ACOXL: variants seen among roughly 807,000 people sequenced by gnomAD.
ACOXL encodes acyl-coenzyme A oxidase-like protein.
ACOXL carries 70 observed loss-of-function variants against 71.9 expected under a neutral mutation model. The ratio of observed to expected loss-of-function variants is 0.97; its 90% CI spans 0.80 to 1.19. The LOEUF (loss-of-function observed/expected upper bound fraction) is 1.19, where lower values mean the gene tolerates loss of function less well. Ranked by LOEUF, ACOXL falls within the 50% of genes most tolerant of loss-of-function variation. The pLI, the probability that ACOXL is intolerant of heterozygous loss-of-function variation, is 0.00. For missense variants in ACOXL, 703 were observed against 736.3 expected (o/e 0.95, Z 0.52); for synonymous variants, 253 against 281.6 (o/e 0.90, Z 1.02).
chr2:110,912,882 A>G (rs998755751), intron 11 of ACOXL, among the ~76,000 whole-genome samples: 1 of 152,210 alleles, frequency 6.6e-6, no homozygotes, highest in African/African-American at 2.4e-5. Flanking sequence ...ACTTGTATCT[A>G]GAACATACAT....
intron 9 of ACOXL, among the ~76,000 whole-genome samples, chr2:110,837,931 G>C (rs975091689): frequency 6.6e-6 from 1 of 152,178 alleles, no homozygotes; most frequent in African/African-American, 2.4e-5. Flanking sequence ...GCCTGGCTGG[G>C]CCAGGGTCAG....
chr2:110,956,412 C>A (rs996312854), intron 12 of ACOXL, among the ~76,000 whole-genome samples: 9 of 152,166 alleles, frequency 5.9e-5, no homozygotes, highest in African/African-American at 2.2e-4. Flanking sequence ...GAGTGCAGGG[C>A]AGCAGCGATA....
At chr2:110,903,304 C>T (rs554679663) in intron 10 of ACOXL, among the ~76,000 whole-genome samples, 2 of 152,330 alleles carry the variant, frequency 1.3e-5, no homozygotes, top group African/African-American at 4.8e-5. Context: ...ATGTCACATC[C>T]GACGAATATT....
intron 11 of ACOXL, among the ~76,000 whole-genome samples, chr2:110,911,082 A>G (rs2059634862): frequency 6.6e-6 from 1 of 152,178 alleles, no homozygotes; most frequent in African/African-American, 2.4e-5. Context: ...AAGGAATATA[A>G]GAGAATACTA....
chr2:111,060,019 C>A (rs1160720531), intron 16 of ACOXL, among the ~76,000 whole-genome samples: 1 of 152,120 alleles, frequency 6.6e-6, no homozygotes, highest in African/African-American at 2.4e-5. Context: ...CCACCTTCAC[C>A]CATGCCAGGA....
At chr2:110,852,312 A>G (rs566918130) in intron 10 of ACOXL, among the ~76,000 whole-genome samples, 5 of 152,144 alleles carry the variant, frequency 3.3e-5, no homozygotes, top group Admixed American at 2.0e-4. Flanking sequence ...ATTTCTGTTG[A>G]GAGGGACACC....
chr2:111,021,594 C>T (rs2306583), intron 14 of ACOXL, among the ~76,000 whole-genome samples: 11,018 of 152,098 alleles, frequency 0.072, 774 homozygotes, highest in African/African-American at 0.18. Flanking sequence ...CCCTTCAGTA[C>T]AGAAAGAGGG....
chr2:110,811,589 G>A (rs1401568069), intron 9 of ACOXL, among the ~76,000 whole-genome samples: 2 of 152,172 alleles, frequency 1.3e-5, no homozygotes, highest in Admixed American at 6.5e-5. Flanking sequence ...GATGGAACAT[G>A]GTGTTGGGGA....
At chr2:110,856,860 G>T (rs1030640423) in intron 10 of ACOXL, among the ~76,000 whole-genome samples, 9 of 152,194 alleles carry the variant, frequency 5.9e-5, no homozygotes, top group Admixed American at 3.9e-4. Context: ...AATATACAAT[G>T]TAAATCCCAA....
intron 12 of ACOXL, among the ~76,000 whole-genome samples, chr2:110,966,380 C>T (rs953326573): frequency 2.0e-5 from 3 of 152,212 alleles, no homozygotes; most frequent in African/African-American, 7.2e-5. Flanking sequence ...TCTCTACTCC[C>T]ACCTGATGTC....
chr2:110,851,069 A>G (rs976110309), intron 10 of ACOXL, among the ~76,000 whole-genome samples: 1 of 152,292 alleles, frequency 6.6e-6, no homozygotes, highest in East Asian at 1.9e-4. Flanking sequence ...GAAAAGAGCA[A>G]ACTATAGGGA....
At chr2:111,113,727 G>A (rs1032931219) in intron 17 of ACOXL, among the ~76,000 whole-genome samples, 16 of 152,326 alleles carry the variant, frequency 1.1e-4, no homozygotes, top group Admixed American at 3.3e-4. Flanking sequence ...AAGCAAAGGT[G>A]ATAAATGACA....
intron 10 of ACOXL, among the ~76,000 whole-genome samples, chr2:110,870,422 G>T (rs1338828679): frequency 6.6e-6 from 1 of 152,006 alleles, no homozygotes; most frequent in African/African-American, 2.4e-5. Flanking sequence ...TTGGGGTATA[G>T]GTTGAACAGA....
intron 10 of ACOXL, among the ~76,000 whole-genome samples, chr2:110,869,149 A>G (rs868753346): frequency 2.0e-5 from 3 of 152,156 alleles, no homozygotes; most frequent in African/African-American, 7.2e-5. Context: ...GGTAGGCCAC[A>G]TGGCCGATGT....
intron 12 of ACOXL, among the ~76,000 whole-genome samples, chr2:110,957,417 C>T (rs2061539610): frequency 6.6e-6 from 1 of 152,192 alleles, no homozygotes; most frequent in Non-Finnish European, 1.5e-5. Context: ...TTCCCACACG[C>T]TGTATTTGTC....
rs530611413 is a variant in ACOXL at position 111,009,506 on chromosome 2, TC to T, written c.1281+13504del. Among the ~76,000 whole-genome samples the T allele has an allele frequency of 1.4e-3, 175 of 126,436 alleles. 5 individuals are homozygous for T. The East Asian group carries it at 0.033, about 24-fold the overall frequency. The allele number at this position is 126,436 out of a possible 152,430, so 82.9% of individuals were successfully genotyped here. A position where few individuals can be genotyped will look rare whatever the true frequency, so the allele number is the denominator to read the frequency against. ...TCCACCCTGGGTGACAGAGCAAGACTCCGTCTCAAAAAAAAAAAAAAAGAAA... is the reference window on the plus strand; with the variant it reads ...TCCACCCTGGGTGACAGAGCAAGACTCGTCTCAAAAAAAAAAAAAAAGAAA... On this transcript the variant is annotated intron_variant, in intron 14 of 17. Coordinates refer to ENST00000439055, the MANE Select transcript of ACOXL (RefSeq NM_001142807.4).
At position 110,851,637 on chromosome 2, in the gene ACOXL, C is replaced by T. The variant is rs2148930822; in HGVS notation, c.788+10232C>T. Among the ~76,000 whole-genome samples, 6 of 152,332 alleles carry T rather than the reference C, an allele frequency of 3.9e-5. 2 individuals carry two copies. The highest frequency in any genetic ancestry group is 3.3e-4 in the Admixed American group (5 of 15,310). ...CGTGGTGGGGTGGTGCAGCCCGAGG[C>T]ACCACCTTGTTTTTCACTGCAAGGT... is the stretch of plus-strand genomic sequence containing the variant. On this transcript the variant is annotated intron_variant, in intron 10 of 17. Transcript: ENST00000439055.
At chr2:110,936,994 G>A (rs2060689330) in intron 12 of ACOXL, among the ~76,000 whole-genome samples, 1 of 152,118 alleles carries the variant, frequency 6.6e-6, no homozygotes, top group Non-Finnish European at 1.5e-5. Context: ...ATTAAGGCAT[G>A]TGCCACCATG....
chr2:110,796,518 C>T (rs1685299427), intron 5 of ACOXL, among the ~76,000 whole-genome samples: 1 of 152,186 alleles, frequency 6.6e-6, no homozygotes. Flanking sequence ...CCTCCTTTCC[C>T]AGAGTGTAGC....
Sources: allele counts gnomAD v4.1 joint callset (sites outside exome capture counted in the v4.1 genomes callset), GRCh38; gene constraint gnomAD v4.1.1; transcripts MANE v1.5; gene names NCBI Gene and HGNC (gene_info 2026-07-23, HGNC 2026-07-21).